AP4E1: variants seen among roughly 807,000 people sequenced by gnomAD.
AP4E1 encodes the protein adaptor related protein complex 4 subunit epsilon 1.
Under a neutral mutation model 128.2 loss-of-function variants are expected in AP4E1, and 56 were observed. That is an observed-to-expected ratio of 0.44 (90% CI 0.35 to 0.55). The LOEUF is 0.55. AP4E1 is among the 20% of genes least tolerant of loss of function. The pLI is 0.00. For synonymous variants in AP4E1, 484 were observed against 473.1 expected (o/e 1.02, Z -0.30); for missense variants, 1,324 against 1,307.7 (o/e 1.01, Z -0.19).
chr15:50,990,387 C>G (rs1366970666), intron 16 of AP4E1, among the ~76,000 whole-genome samples: 2 of 96,224 alleles, frequency 2.1e-5, no homozygotes, highest in Non-Finnish European at 4.6e-5. Flanking sequence ...TGAGACAAGT[C>G]TCATTCTGTC....
chr15:50,960,739 A>C (rs2064301314), intron 14 of AP4E1, among the ~76,000 whole-genome samples: 2 of 152,020 alleles, frequency 1.3e-5, no homozygotes, highest in African/African-American at 2.4e-5. Flanking sequence ...GGAAGAACAA[A>C]CCAAACTCAA....
intron 19 of AP4E1, 103 bp downstream of exon 19, chr15:50,999,365 C>A: frequency 2.1e-6 from 2 of 972,158 alleles, no homozygotes; most frequent in Non-Finnish European, 1.5e-6. Context: ...GGGAGTATAA[C>A]AGTTAAAAAC....
At chr15:50,921,702 T>C (rs912576153) in intron 3 of AP4E1, among the ~76,000 whole-genome samples, 11 of 152,192 alleles carry the variant, frequency 7.2e-5, no homozygotes, top group Admixed American at 6.5e-4. Flanking sequence ...ACATAAGTCA[T>C]AGAGCAGATA....
At chr15:50,982,752 C>A (rs184198034) in intron 15 of AP4E1, among the ~76,000 whole-genome samples, 9 of 152,212 alleles carry the variant, frequency 5.9e-5, no homozygotes, top group Non-Finnish European at 1.0e-4. Context: ...AACTAGCAAG[C>A]ATTTATTTAG....
chr15:50,916,758 C>T (rs2063635854), intron 3 of AP4E1, among the ~76,000 whole-genome samples: 2 of 152,156 alleles, frequency 1.3e-5, no homozygotes, highest in Non-Finnish European at 2.9e-5. Flanking sequence ...TTAACATTCT[C>T]TTTCTCTCTT....
At chr15:50,962,805 T>C (rs1338399854) in intron 14 of AP4E1, among the ~76,000 whole-genome samples, 1 of 134,134 alleles carries the variant, frequency 7.5e-6, no homozygotes, top group Non-Finnish European at 1.5e-5. Flanking sequence ...ATCAATAGAG[T>C]GAAGAAACAA....
intron 7 of AP4E1, among the ~76,000 whole-genome samples, chr15:50,934,215 A>G (rs2063875432): frequency 6.6e-6 from 1 of 152,036 alleles, no homozygotes; most frequent in African/African-American, 2.4e-5. Flanking sequence ...CTAGTATTTG[A>G]AAACTTTTTC....
At chr15:50,990,312 A>G (rs2064786642) in intron 16 of AP4E1, among the ~76,000 whole-genome samples, 1 of 148,892 alleles carries the variant, frequency 6.7e-6, no homozygotes, top group Admixed American at 6.7e-5. Context: ...TTGCTTTCTT[A>G]TGTATTTTCC....
chr15:50,954,435 G>A (rs758779021), intron 13 of AP4E1, among the ~76,000 whole-genome samples: 1 of 152,122 alleles, frequency 6.6e-6, no homozygotes, highest in Non-Finnish European at 1.5e-5. Context: ...AATCTCAACT[G>A]AATTTTCATT....
intron 13 of AP4E1, among the ~76,000 whole-genome samples, chr15:50,957,799 C>T (rs373596675): frequency 4.6e-5 from 7 of 151,186 alleles, no homozygotes; most frequent in African/African-American, 1.7e-4. Context: ...TTCTCAGCCT[C>T]CTGAGTAGCT....
intron 7 of AP4E1, among the ~76,000 whole-genome samples, chr15:50,931,735 GTAT>G (rs2063839130): frequency 6.6e-6 from 1 of 152,052 alleles, no homozygotes; most frequent in South Asian, 2.1e-4. Flanking sequence ...ACATCATGAA[GTAT>G]TATTCTTTTA....
chr15:50,941,761 A>G lies in AP4E1; in HGVS notation c.1162A>G (p.Ile388Val), dbSNP rs752470141. The change falls in exon 10 of 21, where the codon ATT (isoleucine) becomes GTT (valine). Residue 388 changes from isoleucine (I) to valine (V), a missense_variant. Ile to Val is a conservative substitution (Grantham distance 29). Transcript: ENST00000261842. ...IIECLDHPDP[I>V]IKRETLELLY... is the part of the protein sequence containing the mutation. The stretch of plus-strand genomic sequence containing the variant: ...TGAATGTTTAGATCATCCTGATCCC[A>G]TTATTAAAAGAGAGGTAAACTGGTA... The G allele has an allele frequency of 1.5e-5, 24 of 1,609,680 alleles. No individual in the cohort carries two copies. The African/African-American group carries it at 1.7e-4, about 12-fold the overall frequency.
intron 5 of AP4E1, 143 bp from the exon 6 acceptor site, chr15:50,928,866 A>T (rs2063798103): frequency 1.2e-6 from 1 of 829,878 alleles, no homozygotes; most frequent in Non-Finnish European, 1.9e-6. Flanking sequence ...GAATAAATAA[A>T]TTAATCACAA....
intron 13 of AP4E1, among the ~76,000 whole-genome samples, chr15:50,955,144 G>A (rs186191032): frequency 6.6e-6 from 1 of 152,042 alleles, no homozygotes; most frequent in African/African-American, 2.4e-5. Flanking sequence ...ATAAACATAC[G>A]TGTGCATGTG....
chr15:50,983,418 G>C (rs1405053474), intron 15 of AP4E1, among the ~76,000 whole-genome samples: 1 of 152,114 alleles, frequency 6.6e-6, no homozygotes, highest in Non-Finnish European at 1.5e-5. Context: ...GTCTCTGGGT[G>C]GTCATGATCT....
At position 50,908,709 on chromosome 15, in the gene AP4E1, C is replaced by T; in HGVS notation, c.-70C>T. 4 of 1,395,966 alleles carry T rather than the reference C, an allele frequency of 2.9e-6. No individual in the cohort carries two copies. Among genetic ancestry groups the T allele is most frequent in the South Asian group, 1.7e-5 (1 of 59,694 alleles). 86.5% of individuals were successfully genotyped at this position (1,395,966 alleles called of 1,614,324 possible). A position where few individuals can be genotyped will look rare whatever the true frequency, so the allele number is the denominator to read the frequency against. ...GTGCCTACGGAGGCCGGGCCGGCAG[C>T]GGCGGCCGGGCATGAAGCCGGGCGG... On this transcript the variant is annotated 5_prime_UTR_variant, in exon 1 of 21. Coordinates refer to ENST00000261842, the MANE Select transcript of AP4E1 (RefSeq NM_007347.5).
intron 13 of AP4E1, among the ~76,000 whole-genome samples, chr15:50,956,655 C>T (rs542032179): frequency 1.3e-5 from 2 of 152,258 alleles, no homozygotes; most frequent in African/African-American, 2.4e-5. Context: ...CTCATGAGAA[C>T]TCACTATCAC....
intron 10 of AP4E1, among the ~76,000 whole-genome samples, chr15:50,944,189 T>G (rs1046341342): frequency 1.3e-5 from 2 of 152,198 alleles, no homozygotes; most frequent in Non-Finnish European, 2.9e-5. Flanking sequence ...GTCTCTTCAA[T>G]GCTGTTGTCA....
At position 50,997,426 on chromosome 15, in the gene AP4E1, C is replaced by T. The variant is rs746397750; in HGVS notation, c.2447C>T (p.Ser816Phe). ...ETTSTHNMTC[S>F]SFSSLSNVAY... is the part of the protein sequence containing the mutation. Reference sequence around the variant, plus strand: ...ACCAGTACTCATAATATGACCTGTTCTTCCTTTAGTTCTTTGTCAAATGTG... The same window carrying T: ...ACCAGTACTCATAATATGACCTGTTTTTCCTTTAGTTCTTTGTCAAATGTG... The change falls in exon 18 of 21, where the codon TCT (serine) becomes TTT (phenylalanine). Residue 816 changes from serine (S) to phenylalanine (F), a missense_variant. Coordinates refer to ENST00000261842, the MANE Select transcript of AP4E1 (RefSeq NM_007347.5). 1 of 1,613,418 alleles carries T rather than the reference C, an allele frequency of 6.2e-7. No homozygotes were observed. Among genetic ancestry groups the T allele is most frequent in the Non-Finnish European group, 8.5e-7 (1 of 1,179,696 alleles).
Sources: allele counts gnomAD v4.1 joint callset (sites outside exome capture counted in the v4.1 genomes callset), GRCh38; gene constraint gnomAD v4.1.1; transcripts MANE v1.5; gene names NCBI Gene and HGNC (gene_info 2026-07-23, HGNC 2026-07-21).